AKAP6: variants seen among roughly 807,000 people sequenced by gnomAD.
AKAP6 encodes the protein A-kinase anchoring protein 6.
Under a neutral mutation model 188.5 loss-of-function variants are expected in AKAP6, and 58 were observed. The observed-to-expected ratio is 0.31, with a 90% CI of 0.25 to 0.38. The LOEUF is 0.38. Among genes scored for constraint, AKAP6 ranks in the 10% least tolerant of loss-of-function variants. The pLI is 1.00. For missense variants in AKAP6, 2,710 were observed against 2,740.0 expected (o/e 0.99, Z 0.24); for synonymous variants, 989 against 998.6 (o/e 0.99, Z 0.18).
chr14:32,557,053 A>G (rs1456700061), intron 4 of AKAP6, among the ~76,000 whole-genome samples: 1 of 151,936 alleles, frequency 6.6e-6, no homozygotes, highest in East Asian at 1.9e-4. Context: ...GAAAAAAAAA[A>G]TACTTTTGAG....
chr14:32,615,859 G>T (rs1886556163), intron 7 of AKAP6, among the ~76,000 whole-genome samples: 1 of 152,084 alleles, frequency 6.6e-6, no homozygotes, highest in Admixed American at 6.5e-5. Flanking sequence ...CTCCCAAAGT[G>T]CTGGGATTAC....
intron 10 of AKAP6, 67 bp downstream of exon 10, chr14:32,732,667 C>T (rs758585991): frequency 1.6e-5 from 24 of 1,544,652 alleles, no homozygotes; most frequent in Middle Eastern, 3.4e-4. Flanking sequence ...GTACTCTGTC[C>T]GATTTCTAAT....
intron 9 of AKAP6, chr14:32,726,073 A>G: frequency 2.0e-6 from 1 of 504,868 alleles, no homozygotes; most frequent in Non-Finnish European, 2.6e-6. Flanking sequence ...CTGTGCAGTC[A>G]TTTTGGCAAT....
chr14:32,747,035 A>G (rs1157017152), intron 11 of AKAP6, among the ~76,000 whole-genome samples: 1 of 152,208 alleles, frequency 6.6e-6, no homozygotes, highest in African/African-American at 2.4e-5. Flanking sequence ...AAAGGAAGAA[A>G]AGAGCTAAGC....
Position 32,461,409 on chromosome 14 carries a change from C to A in AKAP6, c.324+27592C>A, listed in dbSNP as rs577292390. Among the ~76,000 whole-genome samples, 10 of 152,330 alleles carry A rather than the reference C, an allele frequency of 6.6e-5. No homozygotes were observed. In the Middle Eastern group the frequency reaches 0.01, roughly 155 times the overall value. ...GCAGCAATCTTTGCTGTTCTGCAGTCTCCACTGTGATACACAGGTACACAG... is the reference window on the plus strand; with the variant it reads ...GCAGCAATCTTTGCTGTTCTGCAGTATCCACTGTGATACACAGGTACACAG... On this transcript the variant is annotated intron_variant, in intron 2 of 13. Transcript: ENST00000280979.
chr14:32,702,926 C>T (rs1049419233), intron 9 of AKAP6, among the ~76,000 whole-genome samples: 1 of 152,110 alleles, frequency 6.6e-6, no homozygotes, highest in Non-Finnish European at 1.5e-5. Context: ...AGGGCTGGCT[C>T]AGGACTCAAT....
chr14:32,430,672 C>T (rs1890187940), intron 1 of AKAP6, among the ~76,000 whole-genome samples: 2 of 152,148 alleles, frequency 1.3e-5, no homozygotes, highest in African/African-American at 4.8e-5. Context: ...ACTGTGACAC[C>T]AGTGTCTTCA....
Position 32,779,987 on chromosome 14 carries a change from G to A in AKAP6, c.3588+6094G>A, listed in dbSNP as rs138501365. On this transcript the variant is annotated intron_variant, in intron 12 of 13. Transcript: ENST00000280979. ...TAAAGAAAGTGAAAATAGAACTACC[G>A]TATGACCCAGAAATCTCTCTTGTAG... 5.2e-4 allele frequency among the ~76,000 whole-genome samples: 79 copies of A among 152,034 alleles called. No homozygotes were observed. The East Asian group carries it at 0.011, about 21-fold the overall frequency.
rs146896000 is a variant in AKAP6, at chr14:32,523,321, G to A, written c.325-12233G>A. On this transcript the variant is annotated intron_variant, in intron 2 of 13. Coordinates refer to ENST00000280979, the MANE Select transcript of AKAP6 (RefSeq NM_004274.5). ...GTGCACATGTTCCCTAGAACTTAAA[G>A]TAGAATTTTTTAAAAAAAGAATATC... 2.8e-3 allele frequency among the ~76,000 whole-genome samples: 422 copies of A among 152,090 alleles called. 4 individuals are homozygous for A. Among genetic ancestry groups the A allele is most frequent in the African/African-American group, 9.5e-3 (396 of 41,496 alleles).
chr14:32,581,136 C>G (rs1884950835), intron 5 of AKAP6, among the ~76,000 whole-genome samples: 1 of 152,176 alleles, frequency 6.6e-6, no homozygotes, highest in South Asian at 2.1e-4. Context: ...ACACTGACTT[C>G]CACAATGGTT....
chr14:32,565,509 T>G (rs780959771), intron 4 of AKAP6, among the ~76,000 whole-genome samples: 4 of 152,184 alleles, frequency 2.6e-5, no homozygotes, highest in Non-Finnish European at 5.9e-5. Flanking sequence ...CTGAGCTGCT[T>G]TAGTTTAGCC....
Position 32,823,841 on chromosome 14 carries a change from A to C in AKAP6, c.6028A>C (p.Ser2010Arg), listed in dbSNP as rs532918239. 9.3e-6 allele frequency: 15 copies of C among 1,613,654 alleles called. No homozygotes were observed. Among genetic ancestry groups the C allele is most frequent in the East Asian group, 8.9e-5 (4 of 44,876 alleles). Residue 2010 changes from serine (S) to arginine (R), a missense_variant, in exon 13 of 14, where the codon AGT becomes CGT. Physicochemically the swap from Ser to Arg is moderately radical, Grantham distance 110 (BLOSUM62 -1). This residue lies in a region of AKAP6 where 2,473 missense variants were observed against 2,426.1 expected (regional missense o/e 1.02). Transcript: ENST00000280979. ...DALKSSDDAP[S>R]MAGKSAGCCL... ...ACTGAAATCATCTGATGATGCACCG[A>C]GTATGGCTGGAAAATCTGCTGGTTG...
intron 4 of AKAP6, among the ~76,000 whole-genome samples, chr14:32,564,325 T>A (rs1485782232): frequency 6.6e-6 from 1 of 152,198 alleles, no homozygotes; most frequent in African/African-American, 2.4e-5. Flanking sequence ...TATAATTATA[T>A]GCTTATAAAT....
intron 12 of AKAP6, among the ~76,000 whole-genome samples, chr14:32,780,157 C>CATATATATATATATAAATATATATATAT (rs59506546): frequency 8.4e-6 from 1 of 119,346 alleles, no homozygotes; most frequent in Non-Finnish European, 1.8e-5. Context: ...AAAAAAAAAA[C>CATATATATATATATAAATATATATATAT]ATATATATAT....
chr14:32,411,117 G>A (rs1172782555), intron 1 of AKAP6, among the ~76,000 whole-genome samples: 1 of 152,154 alleles, frequency 6.6e-6, no homozygotes, highest in Non-Finnish European at 1.5e-5. Flanking sequence ...AGACATTTCT[G>A]TTTGTCATGA....
rs149443318 is a variant in AKAP6, at chr14:32,717,917, C to G, written c.3001-14537C>G. 8.5e-5 allele frequency among the ~76,000 whole-genome samples: 13 copies of G among 152,170 alleles called. No individual in the cohort carries two copies. In the East Asian group the frequency reaches 1.2e-3, roughly 14 times the overall value. ...TGTTGGGTTTTTGAGGATGAGCCTA[C>G]GCCAAATGAATCTGGCTAAAGAGGT... On this transcript the variant is annotated intron_variant, in intron 9 of 13. Coordinates refer to ENST00000280979, the MANE Select transcript of AKAP6 (RefSeq NM_004274.5).
chr14:32,381,972 G>A (rs1022036795), intron 1 of AKAP6, among the ~76,000 whole-genome samples: 11 of 151,888 alleles, frequency 7.2e-5, no homozygotes, highest in African/African-American at 1.7e-4. Context: ...TGAAAATTTC[G>A]GCCTGTTCAT....
At chr14:32,714,490 G>C (rs1372028834) in intron 9 of AKAP6, among the ~76,000 whole-genome samples, 1 of 151,668 alleles carries the variant, frequency 6.6e-6, no homozygotes, top group Non-Finnish European at 1.5e-5. Flanking sequence ...CACTGCTTTT[G>C]GTTCATTTCA....
At chr14:32,338,978 T>C (rs913188603) in intron 1 of AKAP6, among the ~76,000 whole-genome samples, 3 of 152,172 alleles carry the variant, frequency 2.0e-5, no homozygotes, top group African/African-American at 7.2e-5. Flanking sequence ...CTTTAATATA[T>C]TTTAAATATT....
Sources: gnomAD v4.1 joint callset for allele counts (sites outside exome capture counted in the v4.1 genomes callset) on GRCh38, gnomAD v4.1.1 for gene constraint, gnomAD v4.1.1 regional missense constraint, MANE v1.5 for transcripts, NCBI Gene and HGNC (gene_info 2026-07-23, HGNC 2026-07-21) for gene names.